Variants in PSMD1 observed in about 807,000 individuals in gnomAD.
PSMD1 encodes proteasome 26S subunit, non-ATPase 1, also known as 26S proteasome non-ATPase regulatory subunit 1.
Under a neutral mutation model 119.0 loss-of-function variants are expected in PSMD1, and 18 were observed. That is an observed-to-expected ratio of 0.15 (90% CI 0.10 to 0.22). The LOEUF is 0.22. Ranked by LOEUF, PSMD1 falls within the 10% of genes least tolerant of loss-of-function variation. The probability of loss-of-function intolerance (pLI) is 1.00; values close to 1 mark genes in which losing one functional copy is unlikely to be tolerated. For synonymous variants in PSMD1, 374 were observed against 396.6 expected (o/e 0.94, Z 0.68); for missense variants, 702 against 1,158.5 (o/e 0.61, Z 5.72).
chr2:231,162,826 C>CA (rs559646312), intron 20 of PSMD1, among the ~76,000 whole-genome samples: 4,288 of 101,826 alleles, frequency 0.042, 219 homozygotes, highest in African/African-American at 0.14. Context: ...AACTCTGTCT[C>CA]AAAAAAAAAA....
At chr2:231,150,740 A>T (rs937344619) in intron 18 of PSMD1, among the ~76,000 whole-genome samples, 1 of 152,194 alleles carries the variant, frequency 6.6e-6, no homozygotes, top group Non-Finnish European at 1.5e-5. Flanking sequence ...TCTCACCTCA[A>T]GGATTTCATG....
chr2:231,132,089 CTCAGGCAAAATTTTTTCTAA>C (rs1553564969), intron 16 of PSMD1, among the ~76,000 whole-genome samples: 1 of 152,070 alleles, frequency 6.6e-6, no homozygotes, highest in Non-Finnish European at 1.5e-5. Context: ...TATTTATGTT[CTCAGGCAAAATTTTTTCTAA>C]ACCTCATGGA....
chr2:231,082,041 T>G (rs1386352653), intron 12 of PSMD1, among the ~76,000 whole-genome samples: 1 of 152,182 alleles, frequency 6.6e-6, no homozygotes, highest in Non-Finnish European at 1.5e-5. Context: ...TCACGTTCAT[T>G]TCACAACTCA....
chr2:231,155,061 A>G (rs1472652140), intron 19 of PSMD1, among the ~76,000 whole-genome samples: 1 of 152,168 alleles, frequency 6.6e-6, no homozygotes, highest in Non-Finnish European at 1.5e-5. Context: ...ATTATTGGTG[A>G]CCTCTCAATA....
intron 2 of PSMD1, among the ~76,000 whole-genome samples, chr2:231,061,754 GGGTCTCACTGT>G (rs1256260040): frequency 1.3e-5 from 2 of 151,782 alleles, no homozygotes; most frequent in African/African-American, 4.8e-5. Context: ...TGTTGTGATG[GGGTCTCACTGT>G]GTTGTCCAGG....
intron 16 of PSMD1, among the ~76,000 whole-genome samples, chr2:231,107,957 C>T (rs1695016269): frequency 6.6e-6 from 1 of 152,234 alleles, no homozygotes; most frequent in African/African-American, 2.4e-5. Flanking sequence ...CAGCTACTAT[C>T]CTCCCTATCC....
rs1695027368 is a variant in PSMD1, at chr2:231,108,392, C to T, written c.1883+21211C>T. 3 of 715,006 alleles carry T rather than the reference C, an allele frequency of 4.2e-6. No individual in the cohort carries two copies. In the African/African-American group the frequency reaches 5.4e-5, roughly 13 times the overall value. The allele number at this position is 715,006 out of a possible 1,614,324, so 44.3% of individuals were successfully genotyped here. A position where few individuals can be genotyped will look rare whatever the true frequency, so the allele number is the denominator to read the frequency against. On this transcript the variant is annotated intron_variant, in intron 16 of 24. Transcript: ENST00000308696. Reference sequence around the variant, plus strand: ...GAAAATTAGATATTCTTAATACTTACATCTTAGGTTAAAGAGATGATTTGA... The same window carrying T: ...GAAAATTAGATATTCTTAATACTTATATCTTAGGTTAAAGAGATGATTTGA...
chr2:231,091,000 T>G (rs1694575727), intron 16 of PSMD1, among the ~76,000 whole-genome samples: 1 of 152,226 alleles, frequency 6.6e-6, no homozygotes, highest in Non-Finnish European at 1.5e-5. Context: ...TAATCACTTT[T>G]TGGGTCTGAC....
intron 4 of PSMD1, among the ~76,000 whole-genome samples, chr2:231,066,058 A>G (rs932613052): frequency 6.6e-6 from 1 of 152,262 alleles, no homozygotes; most frequent in African/African-American, 2.4e-5. Context: ...GCACTAGGCC[A>G]TACCATAGAG....
intron 16 of PSMD1, among the ~76,000 whole-genome samples, chr2:231,093,691 T>G (rs1010078675): frequency 6.6e-6 from 1 of 152,226 alleles, no homozygotes; most frequent in Non-Finnish European, 1.5e-5. Flanking sequence ...CTGAAATTTA[T>G]CATCTAAATT....
At chr2:231,127,911 T>G (rs1334983277) in intron 16 of PSMD1, among the ~76,000 whole-genome samples, 1 of 152,216 alleles carries the variant, frequency 6.6e-6, no homozygotes, top group African/African-American at 2.4e-5. Flanking sequence ...CTAAAGTAAC[T>G]TCAAGGTCAG....
At chr2:231,083,900 G>A in intron 14 of PSMD1, 137 bp downstream of exon 14, 2 of 819,918 alleles carry the variant, frequency 2.4e-6, no homozygotes, top group Non-Finnish European at 3.8e-6. Flanking sequence ...TGTATATGAA[G>A]CCTAATAGAA....
intron 7 of PSMD1, 94 bp from the exon 8 acceptor site, chr2:231,075,417 C>T: frequency 3.5e-6 from 4 of 1,138,642 alleles, no homozygotes; most frequent in East Asian, 2.5e-5. Flanking sequence ...ACATTATTTT[C>T]TTGCAAAATA....
At chr2:231,097,379 A>G (rs1694751967) in intron 16 of PSMD1, among the ~76,000 whole-genome samples, 2 of 152,204 alleles carry the variant, frequency 1.3e-5, no homozygotes, top group Admixed American at 6.5e-5. Context: ...CATTGGATAG[A>G]GCAGTCAGAC....
In PSMD1 at chr2:231,133,238, C is replaced by T. The variant is rs547338961; in HGVS notation, c.1884-5498C>T. 9.9e-5 allele frequency among the ~76,000 whole-genome samples: 15 copies of T among 152,214 alleles called. No individual in the cohort carries two copies. The South Asian group carries it at 2.7e-3, about 27-fold the overall frequency. On this transcript the variant is annotated intron_variant, in intron 16 of 24. Coordinates refer to ENST00000308696, the MANE Select transcript of PSMD1 (RefSeq NM_002807.4). ...TAGCTGAGACCACAGATGCGCGCCACCACACCCGGCTAATTTTTGTAGTTT... is the reference window on the plus strand; with the variant it reads ...TAGCTGAGACCACAGATGCGCGCCATCACACCCGGCTAATTTTTGTAGTTT...
At chr2:231,067,222 G>A (rs1029240418) in intron 5 of PSMD1, 111 bp downstream of exon 5, 6 of 800,486 alleles carry the variant, frequency 7.5e-6, no homozygotes, top group East Asian at 2.8e-5. Context: ...TTTAGAAATA[G>A]CAGGTGATCT....
intron 16 of PSMD1, among the ~76,000 whole-genome samples, chr2:231,120,921 G>A (rs963330666): frequency 1.3e-5 from 2 of 152,124 alleles, no homozygotes; most frequent in African/African-American, 2.4e-5. Flanking sequence ...CATTAGTTTA[G>A]AAAAATCTTT....
chr2:231,169,018 G>T (rs944429009), intron 23 of PSMD1, among the ~76,000 whole-genome samples: 4 of 152,134 alleles, frequency 2.6e-5, no homozygotes, highest in African/African-American at 7.2e-5. Context: ...CCTCCCCAGA[G>T]AACAGAAAAT....
intron 20 of PSMD1, among the ~76,000 whole-genome samples, chr2:231,162,498 CTT>C (rs752475963): frequency 2.0e-5 from 3 of 152,184 alleles, no homozygotes; most frequent in Non-Finnish European, 1.5e-5. Flanking sequence ...CAATCCCCAA[CTT>C]TTAACATTGT....
Sources: gnomAD v4.1 joint callset for allele counts (sites outside exome capture counted in the v4.1 genomes callset) on GRCh38, gnomAD v4.1.1 for gene constraint, MANE v1.5 for transcripts, NCBI Gene and HGNC (gene_info 2026-07-23, HGNC 2026-07-21) for gene names.